The following RAB11FIP4 variants were observed in gnomAD, a reference collection of about 807,000 sequenced individuals.
RAB11FIP4 encodes the protein RAB11 family interacting protein 4.
In RAB11FIP4, 23 loss-of-function variants were observed where a neutral mutation model predicts 74.3. The ratio of observed to expected loss-of-function variants is 0.31; its 90% CI spans 0.22 to 0.44. The LOEUF (loss-of-function observed/expected upper bound fraction) is 0.44. Among genes scored for constraint, RAB11FIP4 ranks in the 20% least tolerant of loss-of-function variants. RAB11FIP4 has a pLI of 1.00. For missense variants in RAB11FIP4, 630 were observed against 863.9 expected (o/e 0.73, Z 3.39); for synonymous variants, 360 against 359.9 (o/e 1.00, Z 0.00).
Position 31,503,484 on chromosome 17 carries a change from G to A in RAB11FIP4, c.337-14167G>A, listed in dbSNP as rs1005069811. On this transcript the variant is annotated intron_variant, in intron 3 of 14. Coordinates refer to ENST00000621161, the MANE Select transcript of RAB11FIP4 (RefSeq NM_032932.6). ...GAACCTCCTTCAAGGGAAGGGGGAA[G>A]AGGAAGAGGAGGGTGGGCAAAGCCT... Among the ~76,000 whole-genome samples, 4 of 149,952 alleles carry A rather than the reference G, an allele frequency of 2.7e-5. 1 individual carries two copies. Among genetic ancestry groups the A allele is most frequent in the African/African-American group, 1.0e-4 (4 of 39,272 alleles).
chr17:31,401,425 G>A (rs973741999), intron 1 of RAB11FIP4, among the ~76,000 whole-genome samples: 3 of 152,226 alleles, frequency 2.0e-5, no homozygotes, highest in Non-Finnish European at 4.4e-5. Context: ...CTGTGCCCTT[G>A]AGGGCAGGAT....
At chr17:31,426,386 A>G (rs1302676385) in intron 1 of RAB11FIP4, among the ~76,000 whole-genome samples, 1 of 152,124 alleles carries the variant, frequency 6.6e-6, no homozygotes, top group Non-Finnish European at 1.5e-5. Flanking sequence ...GGACTATAAT[A>G]ATAGCTACTG....
intron 3 of RAB11FIP4, among the ~76,000 whole-genome samples, chr17:31,493,514 C>G (rs925340652): frequency 6.6e-6 from 1 of 151,976 alleles, no homozygotes; most frequent in African/African-American, 2.4e-5. Flanking sequence ...ACCCTCTGCA[C>G]CAGACTCAAG....
chr17:31,420,648 AT>A (rs1277017981), intron 1 of RAB11FIP4, among the ~76,000 whole-genome samples: 1 of 148,632 alleles, frequency 6.7e-6, no homozygotes, highest in Non-Finnish European at 1.5e-5. Context: ...GGTTTTGTTG[AT>A]TTTTCTCTAC....
At chr17:31,452,629 A>C (rs901761066) in intron 3 of RAB11FIP4, among the ~76,000 whole-genome samples, 1 of 152,042 alleles carries the variant, frequency 6.6e-6, no homozygotes, top group Non-Finnish European at 1.5e-5. Flanking sequence ...TTCCCCCTAC[A>C]TGCCATGGGA....
chr17:31,399,803 G>A (rs950843082), intron 1 of RAB11FIP4, among the ~76,000 whole-genome samples: 1 of 151,770 alleles, frequency 6.6e-6, no homozygotes, highest in African/African-American at 2.4e-5. Flanking sequence ...TAGCACTTTG[G>A]GAGGCTGAGG....
At chr17:31,416,487 A>G (rs184101088) in intron 1 of RAB11FIP4, among the ~76,000 whole-genome samples, 11 of 152,302 alleles carry the variant, frequency 7.2e-5, no homozygotes, top group African/African-American at 2.2e-4. Flanking sequence ...TCCTGGCCTC[A>G]GAATTAATGG....
chr17:31,502,883 G>T (rs2072248345), intron 3 of RAB11FIP4, among the ~76,000 whole-genome samples: 1 of 152,170 alleles, frequency 6.6e-6, no homozygotes, highest in South Asian at 2.1e-4. Context: ...TCCTTGGCTT[G>T]CAGACAGCCA....
At chr17:31,415,220 T>C (rs2071135683) in intron 1 of RAB11FIP4, among the ~76,000 whole-genome samples, 1 of 152,126 alleles carries the variant, frequency 6.6e-6, no homozygotes, top group South Asian at 2.1e-4. Flanking sequence ...CCAGGTTGAG[T>C]GGCCCCAGGC....
At chr17:31,402,408 G>A (rs376100062) in intron 1 of RAB11FIP4, among the ~76,000 whole-genome samples, 1 of 152,114 alleles carries the variant, frequency 6.6e-6, no homozygotes, top group African/African-American at 2.4e-5. Context: ...TTTCGGGAGG[G>A]CTCAGGAGCT....
At chr17:31,442,165 A>AT (rs1157009705) in intron 3 of RAB11FIP4, among the ~76,000 whole-genome samples, 2 of 151,690 alleles carry the variant, frequency 1.3e-5, no homozygotes, top group African/African-American at 4.8e-5. Context: ...CGCCTGGCTA[A>AT]TTTTTTTGTA....
chr17:31,516,864 A>G (rs141653256), intron 3 of RAB11FIP4, among the ~76,000 whole-genome samples: 1 of 152,148 alleles, frequency 6.6e-6, no homozygotes, highest in Non-Finnish European at 1.5e-5. Flanking sequence ...TTTAAATACC[A>G]TCTAGAGGTT....
At chr17:31,464,157 A>C (rs2071661379) in intron 3 of RAB11FIP4, among the ~76,000 whole-genome samples, 1 of 151,982 alleles carries the variant, frequency 6.6e-6, no homozygotes, top group Admixed American at 6.6e-5. Flanking sequence ...CGCAGGTTCA[A>C]GGATCATACT....
chr17:31,464,185 G>A (rs2071661702), intron 3 of RAB11FIP4, among the ~76,000 whole-genome samples: 1 of 151,908 alleles, frequency 6.6e-6, no homozygotes. Flanking sequence ...GTTTGAACAT[G>A]GCTATGAGGA....
intron 3 of RAB11FIP4, among the ~76,000 whole-genome samples, chr17:31,474,940 A>C (rs1429241803): frequency 6.6e-6 from 1 of 152,098 alleles, no homozygotes; most frequent in Non-Finnish European, 1.5e-5. Context: ...AGGTAAGATG[A>C]GGACCCGTGA....
intron 11 of RAB11FIP4, among the ~76,000 whole-genome samples, 169 bp from the exon 12 acceptor site, chr17:31,528,237 G>T (rs1453363107): frequency 1.3e-5 from 2 of 152,174 alleles, no homozygotes; most frequent in Non-Finnish European, 2.9e-5. Flanking sequence ...TAGAATCATC[G>T]GGGCTCTGGC....
intron 3 of RAB11FIP4, among the ~76,000 whole-genome samples, chr17:31,457,995 A>G (rs1284819714): frequency 6.6e-6 from 1 of 152,158 alleles, no homozygotes; most frequent in Non-Finnish European, 1.5e-5. Flanking sequence ...GAGGGAAGGG[A>G]CAGATGGAGT....
intron 3 of RAB11FIP4, among the ~76,000 whole-genome samples, chr17:31,434,945 G>A (rs1397421503): frequency 6.6e-6 from 1 of 152,198 alleles, no homozygotes; most frequent in Non-Finnish European, 1.5e-5. Context: ...CAGCACTTTG[G>A]GATGCTGAGG....
chr17:31,428,833 T>G (rs2071278478), intron 1 of RAB11FIP4, among the ~76,000 whole-genome samples: 1 of 152,072 alleles, frequency 6.6e-6, no homozygotes, highest in South Asian at 2.1e-4. Flanking sequence ...TCCCAGCTAC[T>G]TGGGAGGCTA....
Sources: allele counts gnomAD v4.1 joint callset (sites outside exome capture counted in the v4.1 genomes callset), GRCh38; gene constraint gnomAD v4.1.1; transcripts MANE v1.5; gene names NCBI Gene and HGNC (gene_info 2026-07-23, HGNC 2026-07-21).